The following ZNF140 variants were observed in gnomAD, a reference collection of about 807,000 sequenced individuals.
ZNF140 encodes the protein zinc finger protein 140.
In ZNF140, 13 loss-of-function variants were observed where a neutral mutation model predicts 12.9. The observed-to-expected ratio is 1.01, with a 90% confidence interval of 0.66 to 1.60. ZNF140 has a LOEUF of 1.60. ZNF140 is among the 40% of genes most tolerant of loss of function. The probability of loss-of-function intolerance (pLI) is 0.00; values close to 1 mark genes in which losing one functional copy is unlikely to be tolerated. For missense variants in ZNF140, 531 were observed against 548.8 expected, an observed-to-expected ratio of 0.97 and a Z score of 0.32; for synonymous variants, 214 against 186.7, an observed-to-expected ratio of 1.15 and a Z score of -1.19.
At chr12:133,099,560 C>T (rs1198542482) in intron 4 of ZNF140, among the ~76,000 whole-genome samples, 3 of 152,146 alleles carry the variant, frequency 2.0e-5, no homozygotes, top group Non-Finnish European at 4.4e-5. Context: ...CAGTGGCTCA[C>T]ACTTGGAATC....
At position 133,105,640 on chromosome 12, in the gene ZNF140, G is replaced by C; in HGVS notation, c.363G>C (p.Trp121Cys). The change falls in exon 5 of 5, where the codon TGG becomes TGC. Residue 121 changes from tryptophan (W) to cysteine (C), a missense_variant. By Grantham distance (215) the Trp-to-Cys change is radical. Transcript: ENST00000355557. ...GPVYSSFKGG[W>C]KCKDHTEMLQ... is the part of the protein sequence containing the mutation. ...TGTATTCCAGTTTTAAAGGAGGCTG[G>C]AAATGCAAGGATCATACTGAGATGC... 6.2e-7 allele frequency: 1 copy of C among 1,614,176 alleles called. No homozygotes were observed. The highest frequency in any genetic ancestry group is 8.5e-7 in the Non-Finnish European group (1 of 1,180,040).
intron 4 of ZNF140, among the ~76,000 whole-genome samples, chr12:133,096,112 C>T (rs1377566313): frequency 5.3e-5 from 8 of 151,758 alleles, no homozygotes; most frequent in Non-Finnish European, 7.4e-5. Flanking sequence ...CAGACTATCA[C>T]ATGGGGAGAA....
At chr12:133,095,478 G>A (rs1397632618) in intron 4 of ZNF140, among the ~76,000 whole-genome samples, 2 of 150,926 alleles carry the variant, frequency 1.3e-5, no homozygotes, top group Non-Finnish European at 2.9e-5. Context: ...CAGATGAAGG[G>A]GTGGCCTGCC....
chr12:133,091,988 C>G (rs1954907817), intron 4 of ZNF140, among the ~76,000 whole-genome samples: 1 of 151,144 alleles, frequency 6.6e-6, no homozygotes, highest in Non-Finnish European at 1.5e-5. Flanking sequence ...GAGCCTATCT[C>G]CCATCCAAAT....
chr12:133,081,355 A>ATATATATT, intron 2 of ZNF140, 26 bp downstream of exon 2: 1 of 253,880 alleles, frequency 3.9e-6, no homozygotes, highest in African/African-American at 2.8e-5. Flanking sequence ...ATAAATATAT[A>ATATATATT]TATATATATA....
At chr12:133,080,649 T>C (rs1954435972), upstream of ZNF140, 1 of 152,340 alleles carries the variant, frequency 6.6e-6, no homozygotes, top group African/African-American at 2.4e-5. Flanking sequence ...CGTGGGAGGA[T>C]AGCCCCTATG....
intron 4 of ZNF140, among the ~76,000 whole-genome samples, chr12:133,098,599 G>A (rs1955222207): frequency 6.6e-6 from 1 of 152,138 alleles, no homozygotes; most frequent in Non-Finnish European, 1.5e-5. Flanking sequence ...CATGTGTAGT[G>A]CAAGTACCTT....
At chr12:133,082,369 C>T (rs1369088298) in intron 2 of ZNF140, 1 of 152,236 alleles carries the variant, frequency 6.6e-6, no homozygotes, top group Non-Finnish European at 1.5e-5. Flanking sequence ...TGCCATCCAT[C>T]TGGGACTGCT....
chr12:133,081,347 A>G lies in ZNF140; in HGVS notation c.9+18A>G. On this transcript the variant is annotated intron_variant, in intron 2 of 4. Coordinates refer to ENST00000355557, the MANE Select transcript of ZNF140 (RefSeq NM_003440.4). The stretch of plus-strand genomic sequence containing the variant: ...TGTCTCAGGTAAGCTAATGATTGAT[A>G]AATATATATATATATATATATATAA... 1 of 473,674 alleles carries G rather than the reference A, an allele frequency of 2.1e-6. No homozygotes were observed. The highest frequency in any genetic ancestry group is 1.9e-5 in the South Asian group (1 of 53,232). The allele number at this position is 473,674 out of a possible 1,614,324, so 29.3% of individuals were successfully genotyped here. A position where few individuals can be genotyped will look rare whatever the true frequency, so the allele number is the denominator to read the frequency against.
Position 133,100,160 on chromosome 12 carries a change from G to GTTTTTTTTTTTT in ZNF140, c.233-5334_233-5323dup, listed in dbSNP as rs58610589. ...CATCCAAAAATTTAATGCCTTTTCC[G>GTTTTTTTTTTTT]TTTTTTTTTTTTTTTTTTTTTTTTT... On this transcript the variant is annotated intron_variant, in intron 4 of 4. Coordinates refer to ENST00000355557, the MANE Select transcript of ZNF140 (RefSeq NM_003440.4). Among the ~76,000 whole-genome samples, 26 of 60,980 alleles carry GTTTTTTTTTTTT rather than the reference G, an allele frequency of 4.3e-4. 3 individuals carry two copies. The highest frequency in any genetic ancestry group is 1.4e-3 in the African/African-American group (18 of 12,612). The allele number at this position is 60,980 out of a possible 152,430, so 40.0% of individuals were successfully genotyped here.
chr12:133,095,230 G>C (rs1054007198), intron 4 of ZNF140, among the ~76,000 whole-genome samples: 2 of 150,940 alleles, frequency 1.3e-5, no homozygotes, highest in African/African-American at 4.9e-5. Context: ...TTGAAATAGC[G>C]TAATTAGATT....
chr12:133,082,944 C>G, intron 2 of ZNF140, 159 bp from the exon 3 acceptor site: 1 of 1,033,130 alleles, frequency 9.7e-7, no homozygotes, highest in Non-Finnish European at 1.4e-6. Flanking sequence ...AACACAAGAG[C>G]TAGGCTCTTC....
chr12:133,097,038 T>C (rs1955154363), intron 4 of ZNF140, among the ~76,000 whole-genome samples: 1 of 152,236 alleles, frequency 6.6e-6, no homozygotes, highest in African/African-American at 2.4e-5. Flanking sequence ...TGGTTTGTTG[T>C]TAGGCACATG....
chr12:133,095,815 T>C (rs939778981), intron 4 of ZNF140, among the ~76,000 whole-genome samples: 62 of 151,944 alleles, frequency 4.1e-4, no homozygotes, highest in South Asian at 4.1e-4. Context: ...TATGTTTCTC[T>C]CCACCCAAAC....
In ZNF140 at chr12:133,081,301, C is replaced by T. The variant is rs1954469883; in HGVS notation, c.-20C>T. On this transcript the variant is annotated 5_prime_UTR_variant, in exon 2 of 5. Coordinates refer to ENST00000355557, the MANE Select transcript of ZNF140 (RefSeq NM_003440.4). ...TGCCATTTTACACTTTTCTGATCTC[C>T]TCCTTCCCTTCTGTGAGCTATGTCT... is the stretch of plus-strand genomic sequence containing the variant. 2 of 1,536,772 alleles carry T rather than the reference C, an allele frequency of 1.3e-6. No individual in the cohort carries two copies. The highest frequency in any genetic ancestry group is 2.4e-5 in the East Asian group (1 of 40,868).
At position 133,105,780 on chromosome 12, in the gene ZNF140, A is replaced by G. The variant is rs1955569519; in HGVS notation, c.503A>G (p.Lys168Arg). 3.7e-6 allele frequency: 6 copies of G among 1,614,040 alleles called. No individual in the cohort carries two copies. Among genetic ancestry groups the G allele is most frequent in the Admixed American group, 1.7e-5 (1 of 60,010 alleles). Residue 168 changes from lysine (K) to arginine (R), a missense_variant, in exon 5 of 5, where the codon AAA becomes AGA. By Grantham distance (26) the Lys-to-Arg change is conservative. Transcript: ENST00000355557. ...CCCTATGGATGCCATGAATGTGGAA[A>G]AACTTTTGGTCGACGCTTTTCCCTG... ...ERPYGCHECG[K>R]TFGRRFSLVL...
intron 4 of ZNF140, among the ~76,000 whole-genome samples, chr12:133,095,754 A>C (rs990146671): frequency 2.6e-5 from 4 of 151,248 alleles, no homozygotes; most frequent in Non-Finnish European, 5.9e-5. Flanking sequence ...TCTATGTCAT[A>C]ATTAGGTTTA....
chr12:133,097,889 T>C (rs1278229905), intron 4 of ZNF140, among the ~76,000 whole-genome samples: 1 of 149,494 alleles, frequency 6.7e-6, no homozygotes. Flanking sequence ...CAGACTGGAG[T>C]GCAGTGGCGC....
chr12:133,104,434 C>A (rs2137583235), intron 4 of ZNF140, among the ~76,000 whole-genome samples: 1 of 152,036 alleles, frequency 6.6e-6, no homozygotes, highest in Admixed American at 6.6e-5. Context: ...TCACCGCAAC[C>A]TCTGCCTCCC....
Sources: gnomAD v4.1 joint callset for allele counts (sites outside exome capture counted in the v4.1 genomes callset) on GRCh38, gnomAD v4.1.1 for gene constraint, MANE v1.5 for transcripts, NCBI Gene and HGNC (gene_info 2026-07-23, HGNC 2026-07-21) for gene names.